Variants in PAX2 observed in about 807,000 individuals in gnomAD.
PAX2 encodes paired box 2.
PAX2 carries 9 observed loss-of-function variants against 41.7 expected under a neutral mutation model. The observed-to-expected ratio is 0.22, with a 90% CI of 0.13 to 0.38. The LOEUF (loss-of-function observed/expected upper bound fraction) is 0.38. Ranked by LOEUF, PAX2 falls within the 10% of genes least tolerant of loss-of-function variation. The probability of loss-of-function intolerance (pLI) is 1.00; values close to 1 mark genes in which losing one functional copy is unlikely to be tolerated. For synonymous variants in PAX2, 221 were observed against 212.7 expected, an observed-to-expected ratio of 1.04 and a Z score of -0.34; for missense variants, 418 against 531.6, an observed-to-expected ratio of 0.79 and a Z score of 2.10.
chr10:100,776,964 C>T (rs994672434), intron 3 of PAX2, among the ~76,000 whole-genome samples: 1 of 152,122 alleles, frequency 6.6e-6, no homozygotes, highest in African/African-American at 2.4e-5. Context: ...TAGAGATCCC[C>T]CCTAGTTTAG....
rs1033154751 is a variant in PAX2 at position 100,745,650 on chromosome 10, G to T, written c.-611G>T. The T allele has an allele frequency of 1.5e-4, 104 of 675,814 alleles. No homozygotes were observed. In the African/African-American group the frequency reaches 2.0e-3, roughly 13 times the overall value. The allele number at this position is 675,814 out of a possible 1,614,324, so 41.9% of individuals were successfully genotyped here. A position where few individuals can be genotyped will look rare whatever the true frequency, so the allele number is the denominator to read the frequency against. On this transcript the variant is annotated 5_prime_UTR_variant, in exon 1 of 10. Coordinates refer to ENST00000355243, the MANE Select transcript of PAX2 (RefSeq NM_000278.5). ...CAGCCCAGAGCTGCCAGCGCCGCTC[G>T]GCTCCCTCCCTCCCTCCCGGCCCTT...
chr10:100,795,295 T>C (rs756372260), intron 5 of PAX2, among the ~76,000 whole-genome samples: 1 of 152,224 alleles, frequency 6.6e-6, no homozygotes, highest in Non-Finnish European at 1.5e-5. Flanking sequence ...CAAAGGTAAA[T>C]AGGACACAGT....
chr10:100,793,292 G>C (rs1847201960), intron 5 of PAX2, among the ~76,000 whole-genome samples: 1 of 152,214 alleles, frequency 6.6e-6, no homozygotes, highest in Non-Finnish European at 1.5e-5. Context: ...AGTGCTCCCA[G>C]GCAGGAAAGT....
chr10:100,798,932 G>C (rs1279984855), intron 5 of PAX2, among the ~76,000 whole-genome samples: 2 of 152,254 alleles, frequency 1.3e-5, no homozygotes, highest in African/African-American at 4.8e-5. Flanking sequence ...GACAAGCGGG[G>C]ATATTGATCG....
chr10:100,741,842 A>G (rs1844966378), upstream of PAX2, among the ~76,000 whole-genome samples: 1 of 152,004 alleles, frequency 6.6e-6, no homozygotes. Context: ...ACTTTAATGC[A>G]TTTAATTTGG....
intron 3 of PAX2, among the ~76,000 whole-genome samples, chr10:100,769,868 T>C (rs575114684): frequency 2.0e-5 from 3 of 152,174 alleles, no homozygotes; most frequent in East Asian, 3.9e-4. Context: ...CTATGTGAAC[T>C]GAGTAAGCAA....
intron 6 of PAX2, among the ~76,000 whole-genome samples, chr10:100,808,240 G>T (rs755035834): frequency 3.9e-5 from 6 of 151,986 alleles, no homozygotes. Flanking sequence ...CTAATTTGCA[G>T]CTAATTACAA....
intron 4 of PAX2, 48 bp from the exon 5 acceptor site, chr10:100,781,198 A>G: frequency 6.2e-7 from 1 of 1,609,886 alleles, no homozygotes; most frequent in Non-Finnish European, 8.5e-7. Flanking sequence ...TACGATCACA[A>G]CTGCTAAACT....
chr10:100,777,348 G>A (rs904225849), intron 3 of PAX2, among the ~76,000 whole-genome samples: 9 of 150,080 alleles, frequency 6.0e-5, no homozygotes, highest in Non-Finnish European at 1.2e-4. Context: ...ATCTGCCTGC[G>A]TCGGCCTCCC....
intron 5 of PAX2, among the ~76,000 whole-genome samples, chr10:100,784,959 C>T (rs969592572): frequency 6.6e-6 from 1 of 152,152 alleles, no homozygotes; most frequent in Non-Finnish European, 1.5e-5. Flanking sequence ...CAGAATGAGA[C>T]AGGTAGACAG....
intron 7 of PAX2, among the ~76,000 whole-genome samples, chr10:100,816,655 G>A (rs1848195323): frequency 6.6e-6 from 1 of 152,210 alleles, no homozygotes; most frequent in Admixed American, 6.5e-5. Context: ...AGGGTAGCCA[G>A]AATCCCTTCC....
At chr10:100,777,595 G>T (rs180894208) in intron 3 of PAX2, among the ~76,000 whole-genome samples, 3 of 151,646 alleles carry the variant, frequency 2.0e-5, no homozygotes, top group Non-Finnish European at 2.9e-5. Context: ...AGATTTCACC[G>T]TGTTGGCCAG....
At chr10:100,753,537 G>T (rs532641600) in intron 3 of PAX2, among the ~76,000 whole-genome samples, 1 of 152,300 alleles carries the variant, frequency 6.6e-6, no homozygotes, top group Non-Finnish European at 1.5e-5. Context: ...CACAAAGTGT[G>T]GTGCACCGGG....
intron 3 of PAX2, among the ~76,000 whole-genome samples, chr10:100,767,708 T>G (rs1405288388): frequency 6.6e-6 from 1 of 152,196 alleles, no homozygotes; most frequent in African/African-American, 2.4e-5. Context: ...AATTGCTTAT[T>G]CAATAGCAGG....
At chr10:100,820,039 A>C (rs982236006) in intron 7 of PAX2, among the ~76,000 whole-genome samples, 22 of 152,224 alleles carry the variant, frequency 1.4e-4, no homozygotes, top group African/African-American at 5.3e-4. Flanking sequence ...GGGGACTTTA[A>C]GATTCTCCAC....
At chr10:100,774,281 G>A (rs554841062) in intron 3 of PAX2, among the ~76,000 whole-genome samples, 10 of 152,244 alleles carry the variant, frequency 6.6e-5, no homozygotes, top group Admixed American at 5.9e-4. Context: ...GGGGTCTTCC[G>A]GGAATTTAAC....
chr10:100,783,017 A>G (rs1479328053), intron 5 of PAX2, among the ~76,000 whole-genome samples: 1 of 152,250 alleles, frequency 6.6e-6, no homozygotes, highest in East Asian at 1.9e-4. Flanking sequence ...GCTGTGGCCA[A>G]GTATGCCAAC....
chr10:100,757,767 C>T (rs1198537878), intron 3 of PAX2, among the ~76,000 whole-genome samples: 1 of 152,240 alleles, frequency 6.6e-6, no homozygotes, highest in East Asian at 1.9e-4. Flanking sequence ...GAGCTGGCCA[C>T]TGCAGAAGGC....
chr10:100,740,144 A>G (rs192033627), intron 1 of PAX2, among the ~76,000 whole-genome samples: 165 of 152,272 alleles, frequency 1.1e-3, no homozygotes, highest in Middle Eastern at 3.4e-3. Flanking sequence ...TTTGTTTGGA[A>G]CCGGACCGGA....
Sources: gnomAD v4.1 joint callset for allele counts (sites outside exome capture counted in the v4.1 genomes callset) on GRCh38, gnomAD v4.1.1 for gene constraint, MANE v1.5 for transcripts, NCBI Gene and HGNC (gene_info 2026-07-23, HGNC 2026-07-21) for gene names.